Variants in FOXI3 observed in about 807,000 individuals in gnomAD.
The protein encoded by FOXI3 is forkhead box I3, also known as forkhead box protein I3.
FOXI3 carries 4 observed loss-of-function variants against 15.6 expected under a neutral mutation model. The observed-to-expected ratio is 0.26, with a 90% CI of 0.13 to 0.59. FOXI3 has a LOEUF of 0.59. FOXI3 is among the 20% of genes least tolerant of loss of function. FOXI3 has a pLI of 0.90. For synonymous variants in FOXI3, 238 were observed against 244.4 expected, an observed-to-expected ratio of 0.97 and a Z score of 0.25; for missense variants, 489 against 548.2, an observed-to-expected ratio of 0.89 and a Z score of 1.08.
rs777673046 is a variant in FOXI3, at chr2:88,452,164, C to CGCGGGCGCGGCGGGCGAG, written c.354_371dup (p.Ser119_Ala124dup). 18 of 1,354,064 alleles carry CGCGGGCGCGGCGGGCGAG rather than the reference C, an allele frequency of 1.3e-5. No individual in the cohort carries two copies. The highest frequency in any genetic ancestry group is 9.2e-5 in the African/African-American group (6 of 65,434). 83.9% of individuals were successfully genotyped at this position (1,354,064 alleles called of 1,614,324 possible). A position where few individuals can be genotyped will look rare whatever the true frequency, so the allele number is the denominator to read the frequency against. On this transcript the variant is annotated inframe_insertion, in exon 1 of 2. Coordinates refer to ENST00000428390, the MANE Select transcript of FOXI3 (RefSeq NM_001135649.3). ...ACAGCCAGCCCAGCTCCCCGGGCCCCGCGGGCGCGGCGGGCGAGGCGGGCG... is the reference window on the plus strand; with the variant it reads ...ACAGCCAGCCCAGCTCCCCGGGCCCCGCGGGCGCGGCGGGCGAGGCGGGCGCGGCGGGCGAGGCGGGCG...
intron 1 of FOXI3, 67 bp downstream of exon 1, chr2:88,451,829 C>T: frequency 3.2e-6 from 5 of 1,557,934 alleles, no homozygotes; most frequent in African/African-American, 1.4e-5. Flanking sequence ...CACACCGACC[C>T]CTGCGCCGGC....
chr2:88,449,621 CA>C (rs2104259940), intron 1 of FOXI3, among the ~76,000 whole-genome samples: 1 of 152,308 alleles, frequency 6.6e-6, no homozygotes, highest in Admixed American at 6.5e-5. Context: ...ACCAGGGCCT[CA>C]TTTTTCTGCA....
Position 88,448,670 on chromosome 2 carries a change from G to C in FOXI3, c.800C>G (p.Ser267Cys), listed in dbSNP as rs1351074393. ...SEEGLSSGLG[S>C]GVGGKPEEES... is the part of the protein sequence containing the mutation. The stretch of plus-strand genomic sequence containing the variant: ...TTCTTCTGGCTTCCCACCCACTCCA[G>C]ACCCCAATCCTGAGGAGAGCCCTTC... The change falls in exon 2 of 2, where the codon TCT becomes TGT. Residue 267 changes from serine (S) to cysteine (C), a missense_variant. By Grantham distance (112) the Ser-to-Cys change is moderately radical. Coordinates refer to ENST00000428390, the MANE Select transcript of FOXI3 (RefSeq NM_001135649.3). 97 of 1,551,712 alleles carry C rather than the reference G, an allele frequency of 6.3e-5. No individual in the cohort carries two copies. The highest frequency in any genetic ancestry group is 8.1e-5 in the Non-Finnish European group (93 of 1,147,044).
Position 88,452,060 on chromosome 2 carries a change from T to C in FOXI3, c.476A>G (p.Gln159Arg). ...AGTGAGTTTGCGCTCGGGCGCGCTCTGAATGGCCATGGCGATGAGCGCCGA... is the reference window on the plus strand; with the variant it reads ...AGTGAGTTTGCGCTCGGGCGCGCTCCGAATGGCCATGGCGATGAGCGCCGA... ...SYSALIAMAIQSAPERKLTLS... is the reference protein window; with the variant it reads ...SYSALIAMAIRSAPERKLTLS... The change falls in exon 1 of 2, where the codon CAG (glutamine) becomes CGG (arginine). Residue 159 changes from glutamine (Q) to arginine (R), a missense_variant. Gln to Arg is a conservative substitution (Grantham distance 43). Around this residue, in one of 3 missense-constraint regions of FOXI3, gnomAD observed 224 missense variants for 245.7 expected, o/e 0.91. Transcript: ENST00000428390. 4 of 1,584,772 alleles carry C rather than the reference T, an allele frequency of 2.5e-6. No homozygotes were observed. The highest frequency in any genetic ancestry group is 3.4e-6 in the Non-Finnish European group (4 of 1,165,938).
Position 88,452,175 on chromosome 2 carries a change from C to G in FOXI3, c.361G>C (p.Ala121Pro), listed in dbSNP as rs1676061065. The G allele has an allele frequency of 7.8e-7, 1 of 1,279,092 alleles. No individual in the cohort carries two copies. Among genetic ancestry groups the G allele is most frequent in the Non-Finnish European group, 9.8e-7 (1 of 1,016,450 alleles). The allele number at this position is 1,279,092 out of a possible 1,614,324, so 79.2% of individuals were successfully genotyped here. Residue 121 changes from alanine (A) to proline (P), a missense_variant, in exon 1 of 2, where the codon GCC becomes CCC. Around this residue, in one of 3 missense-constraint regions of FOXI3, gnomAD observed 224 missense variants for 245.7 expected, o/e 0.91. Transcript: ENST00000428390. ...AGCTCCCCGGGCCCCGCGGGCGCGGCGGGCGAGGCGGGCGCGGCGGGCGCG... is the reference window on the plus strand; with the variant it reads ...AGCTCCCCGGGCCCCGCGGGCGCGGGGGGCGAGGCGGGCGCGGCGGGCGCG... ...QPAPAAPASP[A>P]APAGPGELGW...
intron 1 of FOXI3, 43 bp downstream of exon 1, chr2:88,451,853 G>A: frequency 6.3e-7 from 1 of 1,589,114 alleles, no homozygotes; most frequent in Non-Finnish European, 8.6e-7. Context: ...TGCGACCCGC[G>A]TCCGCCCTCC....
In FOXI3 at chr2:88,448,202, C is replaced by G; in HGVS notation, c.*5G>C. 6.5e-7 allele frequency: 1 copy of G among 1,550,264 alleles called. No homozygotes were observed. Among genetic ancestry groups the G allele is most frequent in the Non-Finnish European group, 8.7e-7 (1 of 1,146,316 alleles). On this transcript the variant is annotated 3_prime_UTR_variant, in exon 2 of 2. Coordinates refer to ENST00000428390, the MANE Select transcript of FOXI3 (RefSeq NM_001135649.3). ...GGTGTGCATACTCAAGTCTGAGAGT[C>G]TGCTCTACACCTCGGAGCCCTCTCG...
At chr2:88,450,293 T>C (rs1676019633) in intron 1 of FOXI3, among the ~76,000 whole-genome samples, 1 of 152,040 alleles carries the variant, frequency 6.6e-6, no homozygotes, top group African/African-American at 2.4e-5. Flanking sequence ...AGCCGGGCAC[T>C]GTGGCATGCT....
In FOXI3 at chr2:88,448,684, G is replaced by T. The variant is rs1320852008; in HGVS notation, c.786C>A (p.Ser262=). 4.5e-6 allele frequency: 7 copies of T among 1,551,864 alleles called. No individual in the cohort carries two copies. Among genetic ancestry groups the T allele is most frequent in the Non-Finnish European group, 6.1e-6 (7 of 1,147,028 alleles). Residue 262 remains serine, a synonymous_variant, in exon 2 of 2, where the codon TCC becomes TCA. Coordinates refer to ENST00000428390, the MANE Select transcript of FOXI3 (RefSeq NM_001135649.3). ...AGTSKSEEGL[S]SGLGSGVGGK... ...CACCCACTCCAGACCCCAATCCTGAGGAGAGCCCTTCTTCGGACTTTGATG... is the reference window on the plus strand; with the variant it reads ...CACCCACTCCAGACCCCAATCCTGATGAGAGCCCTTCTTCGGACTTTGATG...
rs1419160268 is a variant in FOXI3 at position 88,452,099 on chromosome 2, G to A, written c.437C>T (p.Pro146Leu). The A allele has an allele frequency of 6.4e-7, 1 of 1,559,348 alleles. No individual in the cohort carries two copies. Among genetic ancestry groups the A allele is most frequent in the Non-Finnish European group, 8.7e-7 (1 of 1,152,092 alleles). Reference sequence around the variant, plus strand: ...GATGAGCGCCGAATACGAGTAGGGCGGCCGCACCATCTTCATCAGGTCCTC... The same window carrying A: ...GATGAGCGCCGAATACGAGTAGGGCAGCCGCACCATCTTCATCAGGTCCTC... ...SREDLMKMVR[P>L]PYSYSALIAM... Residue 146 changes from proline (P) to leucine (L), a missense_variant, in exon 1 of 2, where the codon CCG becomes CTG. Physicochemically the swap from Pro to Leu is moderately conservative, Grantham distance 98. Around this residue, in one of 3 missense-constraint regions of FOXI3, gnomAD observed 224 missense variants for 245.7 expected, o/e 0.91. Transcript: ENST00000428390.
At chr2:88,451,855 C>T in intron 1 of FOXI3, 41 bp downstream of exon 1, 5 of 1,591,512 alleles carry the variant, frequency 3.1e-6, no homozygotes, top group Non-Finnish European at 4.3e-6. Flanking sequence ...CGACCCGCGT[C>T]CGCCCTCCCC....
chr2:88,448,240 G>A lies in FOXI3; in HGVS notation c.1230C>T (p.Ser410=), dbSNP rs1406493758. The change falls in exon 2 of 2, where the codon AGC becomes AGT. Residue 410 remains serine, a synonymous_variant. Coordinates refer to ENST00000428390, the MANE Select transcript of FOXI3 (RefSeq NM_001135649.3). ...CGGAGCCCTCTCGGGGGTAGATGAG[G>A]CTGTTCACCATGCTAAAGTTGTGGA... The part of the protein sequence containing the change: ...SPFHNFSMVN[S]LIYPREGSEV The A allele has an allele frequency of 2.6e-6, 4 of 1,551,638 alleles. No homozygotes were observed. Among genetic ancestry groups the A allele is most frequent in the Non-Finnish European group, 3.5e-6 (4 of 1,146,978 alleles).
Position 88,448,057 on chromosome 2 carries a change from CA to C in FOXI3, c.*149del. ...GTTATCTACTACACCCTCATTACTC[CA>C]AGTGTGGTCAAAGGACCACGAGATC... On this transcript the variant is annotated 3_prime_UTR_variant, in exon 2 of 2. Coordinates refer to ENST00000428390, the MANE Select transcript of FOXI3 (RefSeq NM_001135649.3). 1.5e-6 allele frequency: 1 copy of C among 687,234 alleles called. No homozygotes were observed. Among genetic ancestry groups the C allele is most frequent in the Non-Finnish European group, 2.4e-6 (1 of 413,846 alleles). 42.6% of individuals were successfully genotyped at this position (687,234 alleles called of 1,614,324 possible). A position where few individuals can be genotyped will look rare whatever the true frequency, so the allele number is the denominator to read the frequency against.
Position 88,452,181 on chromosome 2 carries a change from A to AGGCGGCCGC in FOXI3, c.354_355insGCGGCCGCC (p.Ala118_Ser119insAlaAlaAla). 7.9e-7 allele frequency: 1 copy of AGGCGGCCGC among 1,272,848 alleles called. No individual in the cohort carries two copies. Among genetic ancestry groups the AGGCGGCCGC allele is most frequent in the Non-Finnish European group, 9.9e-7 (1 of 1,013,250 alleles). 78.8% of individuals were successfully genotyped at this position (1,272,848 alleles called of 1,614,324 possible). A position where few individuals can be genotyped will look rare whatever the true frequency, so the allele number is the denominator to read the frequency against. The stretch of plus-strand genomic sequence containing the variant: ...CCGGGCCCCGCGGGCGCGGCGGGCG[A>AGGCGGCCGC]GGCGGGCGCGGCGGGCGCGGGCTGC... On this transcript the variant is annotated inframe_insertion, in exon 1 of 2. Transcript: ENST00000428390.
intron 1 of FOXI3, among the ~76,000 whole-genome samples, chr2:88,450,947 A>G (rs542367937): frequency 5.6e-4 from 85 of 152,354 alleles, no homozygotes; most frequent in African/African-American, 2.0e-3. Context: ...GTGCTGGTCT[A>G]CAGTGACTTC....
At position 88,452,296 on chromosome 2, in the gene FOXI3, C is replaced by G. The variant is rs1676065379; in HGVS notation, c.240G>C (p.Pro80=). The G allele has an allele frequency of 2.0e-6, 2 of 981,590 alleles. No individual in the cohort carries two copies. The highest frequency in any genetic ancestry group is 1.3e-4 in the Admixed American group (2 of 15,752). The allele number at this position is 981,590 out of a possible 1,614,324, so 60.8% of individuals were successfully genotyped here. ...CCGCGGCCCCGGGGGGCGGCGGCGG[C>G]GGCGGAGCGCCCAGGTACGCGGCGG... ...AAAAAYLGAP[P]PPPPPGAAAG... is the part of the protein sequence containing the mutation. The change falls in exon 1 of 2, where the codon CCG becomes CCC. Residue 80 remains proline (P), a synonymous_variant. Transcript: ENST00000428390.
At position 88,448,679 on chromosome 2, in the gene FOXI3, C is replaced by G; in HGVS notation, c.791G>C (p.Gly264Ala). The G allele has an allele frequency of 1.3e-6, 2 of 1,551,850 alleles. No individual in the cohort carries two copies. The highest frequency in any genetic ancestry group is 1.7e-6 in the Non-Finnish European group (2 of 1,147,032). ...TSKSEEGLSS[G>A]LGSGVGGKPE... ...CTTCCCACCCACTCCAGACCCCAAT[C>G]CTGAGGAGAGCCCTTCTTCGGACTT... The change falls in exon 2 of 2, where the codon GGA becomes GCA. Residue 264 changes from glycine to alanine, a missense_variant. This residue lies in a region of FOXI3 where 263 missense variants were observed against 285.5 expected (regional missense o/e 0.92). Transcript: ENST00000428390.
chr2:88,452,437 G>T lies in FOXI3; in HGVS notation c.99C>A (p.Ala33=), dbSNP rs1676070255. 1 of 1,037,732 alleles carries T rather than the reference G, an allele frequency of 9.6e-7. No homozygotes were observed. The allele number at this position is 1,037,732 out of a possible 1,614,324, so 64.3% of individuals were successfully genotyped here. The change falls in exon 1 of 2, where the codon GCC becomes GCA. Residue 33 remains alanine, a synonymous_variant. Coordinates refer to ENST00000428390, the MANE Select transcript of FOXI3 (RefSeq NM_001135649.3). ...AGTCGGCCAGCCCGTAAGGCGCCCTGGCTGCCGGGGGGGCGCCCGGGGCGG... is the reference window on the plus strand; with the variant it reads ...AGTCGGCCAGCCCGTAAGGCGCCCTTGCTGCCGGGGGGGCGCCCGGGGCGG... ...TAAAPGAPPA[A]RAPYGLADYA... is the part of the protein sequence containing the mutation.
Position 88,448,220 on chromosome 2 carries a change from C to T in FOXI3, c.1250G>A (p.Gly417Asp). 1 of 1,551,420 alleles carries T rather than the reference C, an allele frequency of 6.4e-7. No individual in the cohort carries two copies. Among genetic ancestry groups the T allele is most frequent in the East Asian group, 2.4e-5 (1 of 40,906 alleles). Residue 417 changes from glycine to aspartate, a missense_variant, in exon 2 of 2, where the codon GGC becomes GAC. Around this residue, in one of 3 missense-constraint regions of FOXI3, gnomAD observed 263 missense variants for 285.5 expected, o/e 0.92. Transcript: ENST00000428390. Reference protein sequence around the residue: ...MVNSLIYPREGSEV With the variant: ...MVNSLIYPREDSEV ...TGAGAGTCTGCTCTACACCTCGGAGCCCTCTCGGGGGTAGATGAGGCTGTT... is the reference window on the plus strand; with the variant it reads ...TGAGAGTCTGCTCTACACCTCGGAGTCCTCTCGGGGGTAGATGAGGCTGTT...
Sources: gnomAD v4.1 joint callset for allele counts (sites outside exome capture counted in the v4.1 genomes callset) on GRCh38, gnomAD v4.1.1 for gene constraint, gnomAD v4.1.1 regional missense constraint, MANE v1.5 for transcripts, NCBI Gene and HGNC (gene_info 2026-07-23, HGNC 2026-07-21) for gene names.